The following POU6F2 variants were observed in gnomAD, a reference collection of about 807,000 sequenced individuals.
POU6F2 encodes the protein POU domain, class 6, transcription factor 2.
In POU6F2, 31 loss-of-function variants were observed where a neutral mutation model predicts 71.3. The ratio of observed to expected loss-of-function variants is 0.43; its 90% CI spans 0.33 to 0.59. POU6F2 has a LOEUF of 0.59. Ranked by LOEUF, POU6F2 falls within the 20% of genes least tolerant of loss-of-function variation. The pLI is 0.04. For synonymous variants in POU6F2, 347 were observed against 355.7 expected (o/e 0.98, Z 0.27); for missense variants, 783 against 856.8 (o/e 0.91, Z 1.07).
intron 5 of POU6F2, among the ~76,000 whole-genome samples, chr7:39,382,043 A>AAATAATAATAAT (rs3839694): frequency 2.2e-4 from 33 of 150,400 alleles, no homozygotes; most frequent in Non-Finnish European, 4.0e-4. Flanking sequence ...ACACACAAGC[A>AAATAATAATAAT]AATAATAATA....
At chr7:39,089,381 G>T (rs1482549976) in intron 2 of POU6F2, among the ~76,000 whole-genome samples, 1 of 152,164 alleles carries the variant, frequency 6.6e-6, no homozygotes, top group African/African-American at 2.4e-5. Flanking sequence ...GTGGTTGGGG[G>T]TGGGGGATTA....
At chr7:39,432,510 G>A (rs1261753250) in intron 6 of POU6F2, among the ~76,000 whole-genome samples, 1 of 152,178 alleles carries the variant, frequency 6.6e-6, no homozygotes, top group Non-Finnish European at 1.5e-5. Context: ...TCTGTCTCCA[G>A]AGCCCAGACT....
rs1018155243 is a variant in POU6F2, at chr7:39,085,857, T to G, written c.106-3T>G. 1 of 1,613,186 alleles carries G rather than the reference T, an allele frequency of 6.2e-7. No homozygotes were observed. The highest frequency in any genetic ancestry group is 1.1e-5 in the South Asian group (1 of 91,002). On this transcript the variant is annotated splice_polypyrimidine_tract_variant and splice_region_variant and intron_variant, in intron 1 of 9. Transcript: ENST00000518318. ...TCCCCTTCACTCTTTTCGCCCATCC[T>G]AGGATCCAATGATAGCTGGACAAGT...
chr7:39,286,102 G>A (rs1255083095), intron 4 of POU6F2, among the ~76,000 whole-genome samples: 1 of 152,104 alleles, frequency 6.6e-6, no homozygotes, highest in Non-Finnish European at 1.5e-5. Flanking sequence ...TTAAACTTTA[G>A]CCCCAGAGAG....
In POU6F2 at chr7:39,407,517, G is replaced by A. The variant is rs560827712; in HGVS notation, c.1113+777G>A. ...CAAACGAGATGAAGCTGATGATGTC[G>A]GGGTACCCTCCATCTGAAGGCCTGT... On this transcript the variant is annotated intron_variant, in intron 6 of 9. Coordinates refer to ENST00000518318, the MANE Select transcript of POU6F2 (RefSeq NM_001370959.1). 2.6e-5 allele frequency among the ~76,000 whole-genome samples: 4 copies of A among 151,084 alleles called. No homozygotes were observed. In the East Asian group the frequency reaches 5.9e-4, roughly 22 times the overall value.
intron 5 of POU6F2, among the ~76,000 whole-genome samples, chr7:39,394,011 G>A (rs1689397904): frequency 6.6e-6 from 1 of 152,160 alleles, no homozygotes; most frequent in South Asian, 2.1e-4. Context: ...ACAATATTCT[G>A]GAGTAAAATA....
intron 2 of POU6F2, among the ~76,000 whole-genome samples, chr7:39,159,387 CA>C (rs1196176975): frequency 6.6e-6 from 1 of 152,156 alleles, no homozygotes. Flanking sequence ...AGGTATTAGA[CA>C]AAAGCTCCCC....
At chr7:39,434,650 TAA>T (rs139761263) in intron 7 of POU6F2, among the ~76,000 whole-genome samples, 1 of 141,820 alleles carries the variant, frequency 7.1e-6, no homozygotes, top group African/African-American at 2.6e-5. Flanking sequence ...AAACTTCTTC[TAA>T]AAAAAAAAGC....
intron 4 of POU6F2, among the ~76,000 whole-genome samples, chr7:39,241,215 T>C (rs1380232916): frequency 3.9e-5 from 6 of 152,156 alleles, no homozygotes; most frequent in Non-Finnish European, 8.8e-5. Flanking sequence ...GTATGTTCCC[T>C]GAACAAAATC....
At chr7:39,125,717 C>G (rs750043955) in intron 2 of POU6F2, among the ~76,000 whole-genome samples, 5 of 151,344 alleles carry the variant, frequency 3.3e-5, no homozygotes, top group Non-Finnish European at 5.9e-5. Context: ...CACGAACACA[C>G]AAATATACTT....
At chr7:39,231,719 TCGGATCCAGTGG>T (rs1794579124) in intron 4 of POU6F2, among the ~76,000 whole-genome samples, 1 of 152,196 alleles carries the variant, frequency 6.6e-6, no homozygotes, top group African/African-American at 2.4e-5. Context: ...CTCTCTTCCT[TCGGATCCAGTGG>T]CGGACTCAGG....
intron 2 of POU6F2, among the ~76,000 whole-genome samples, chr7:39,183,530 G>A (rs1793475875): frequency 6.6e-6 from 1 of 152,098 alleles, no homozygotes; most frequent in African/African-American, 2.4e-5. Context: ...AGAATAGCAA[G>A]GGGGAAACCT....
chr7:39,345,438 C>T (rs1230323142), intron 5 of POU6F2, among the ~76,000 whole-genome samples: 1 of 152,130 alleles, frequency 6.6e-6, no homozygotes, highest in Non-Finnish European at 1.5e-5. Flanking sequence ...AAATTTTGCA[C>T]AGTAGAAAAA....
At chr7:39,316,362 C>A (rs1451932165) in intron 4 of POU6F2, among the ~76,000 whole-genome samples, 1 of 152,142 alleles carries the variant, frequency 6.6e-6, no homozygotes, top group African/African-American at 2.4e-5. Context: ...TTCAGAGTTT[C>A]ATGTGACACT....
At chr7:39,234,968 T>C (rs1326016101) in intron 4 of POU6F2, among the ~76,000 whole-genome samples, 1 of 152,206 alleles carries the variant, frequency 6.6e-6, no homozygotes, top group East Asian at 1.9e-4. Flanking sequence ...GCCATTTCTT[T>C]CACTCTAATG....
intron 5 of POU6F2, among the ~76,000 whole-genome samples, chr7:39,344,367 A>C (rs746719605): frequency 2.0e-5 from 3 of 152,180 alleles, no homozygotes; most frequent in Non-Finnish European, 2.9e-5. Flanking sequence ...GTTACCACTC[A>C]GGCACAGCAG....
chr7:38,985,412 C>A (rs1180069125), intron 1 of POU6F2, among the ~76,000 whole-genome samples: 1 of 151,738 alleles, frequency 6.6e-6, no homozygotes, highest in East Asian at 1.9e-4. Context: ...GTCTTTGGGC[C>A]GAAACAATTT....
chr7:39,048,111 AAGCTATCTAGAACTAGG>A (rs1479945314), intron 1 of POU6F2, among the ~76,000 whole-genome samples: 1 of 151,980 alleles, frequency 6.6e-6, no homozygotes, highest in East Asian at 1.9e-4. Flanking sequence ...TTCATCAGTG[AAGCTATCTAGAACTAGG>A]AGTTTCTTTG....
intron 1 of POU6F2, among the ~76,000 whole-genome samples, chr7:38,991,688 C>T (rs1239562637): frequency 6.6e-6 from 1 of 152,130 alleles, no homozygotes; most frequent in East Asian, 1.9e-4. Flanking sequence ...TTCCTTCCAG[C>T]CAATTTTTTT....
Sources: gnomAD v4.1 joint callset for allele counts (sites outside exome capture counted in the v4.1 genomes callset) on GRCh38, gnomAD v4.1.1 for gene constraint, MANE v1.5 for transcripts, NCBI Gene and HGNC (gene_info 2026-07-23, HGNC 2026-07-21) for gene names.